RBM26: variants seen among roughly 807,000 people sequenced by gnomAD.
RBM26 encodes RNA binding motif protein 26.
A neutral mutation model predicts 123.6 loss-of-function variants in RBM26; 30 were observed. That is an observed-to-expected ratio of 0.24 (90% confidence interval 0.18 to 0.33). The LOEUF (loss-of-function observed/expected upper bound fraction) is 0.33. RBM26 is among the 10% of genes least tolerant of loss of function. The pLI is 1.00. For missense variants in RBM26, 947 were observed against 1,203.6 expected (o/e 0.79, Z 3.15); for synonymous variants, 400 against 404.4 (o/e 0.99, Z 0.13).
chr13:79,375,566 A>T (rs1594513679), intron 3 of RBM26, among the ~76,000 whole-genome samples: 2 of 152,252 alleles, frequency 1.3e-5, no homozygotes, highest in African/African-American at 4.8e-5. Context: ...TATGTTGCAT[A>T]AGCAATTGCC....
intron 1 of RBM26, among the ~76,000 whole-genome samples, chr13:79,405,452 TG>T (rs1470388289): frequency 6.6e-6 from 1 of 150,942 alleles, no homozygotes; most frequent in East Asian, 2.0e-4. Flanking sequence ...ATATTGCGGG[TG>T]GGGGTTGGAG....
At chr13:79,326,037 TAG>T (rs1462878142) in intron 20 of RBM26, among the ~76,000 whole-genome samples, 2 of 152,138 alleles carry the variant, frequency 1.3e-5, no homozygotes, top group Admixed American at 6.5e-5. Context: ...CTATATACCA[TAG>T]AGTGTAGGTG....
intron 16 of RBM26, 137 bp from the exon 17 acceptor site, chr13:79,342,968 T>G: frequency 1.8e-6 from 1 of 547,514 alleles, no homozygotes. Context: ...CTAACAACCA[T>G]GAATTATCTA....
chr13:79,328,683 TAAA>T (rs747906560), intron 20 of RBM26, among the ~76,000 whole-genome samples: 16 of 38,476 alleles, frequency 4.2e-4, no homozygotes, highest in African/African-American at 1.4e-3. Context: ...CTGCATTAAG[TAAA>T]AAAAAAAAAA....
chr13:79,331,739 ATCT>A (rs2069454276), intron 20 of RBM26, among the ~76,000 whole-genome samples: 1 of 152,154 alleles, frequency 6.6e-6, no homozygotes, highest in Admixed American at 6.5e-5. Flanking sequence ...TCTGAACAGG[ATCT>A]TGGGCTCCTA....
At chr13:79,361,923 A>G (rs1389929432) in intron 9 of RBM26, among the ~76,000 whole-genome samples, 5 of 152,146 alleles carry the variant, frequency 3.3e-5, no homozygotes, top group African/African-American at 1.2e-4. Flanking sequence ...GAAACGCACG[A>G]GAAAGGTTTT....
In RBM26 at chr13:79,337,279, T is replaced by C. The variant is rs760896359; in HGVS notation, c.2556A>G (p.Ser852=). Residue 852 remains serine, a synonymous_variant, in exon 19 of 22, where the codon TCA becomes TCG. Transcript: ENST00000438737. ...QLEAAKRGIL[S]SGRGRGIHSR... is the part of the protein sequence containing the mutation. ...AATGAATTCCTCTGCCCCGACCAGATGAAAGAATCCCTCGTTTGGCAGCCT... is the reference window on the plus strand; with the variant it reads ...AATGAATTCCTCTGCCCCGACCAGACGAAAGAATCCCTCGTTTGGCAGCCT... 1 of 1,614,126 alleles carries C rather than the reference T, an allele frequency of 6.2e-7. No homozygotes were observed. The highest frequency in any genetic ancestry group is 2.2e-5 in the East Asian group (1 of 44,876).
At chr13:79,395,036 G>C (rs182777867) in intron 1 of RBM26, among the ~76,000 whole-genome samples, 2 of 152,256 alleles carry the variant, frequency 1.3e-5, no homozygotes. Flanking sequence ...AGACTACAGG[G>C]CAACTGACTC....
intron 1 of RBM26, among the ~76,000 whole-genome samples, chr13:79,384,546 T>C (rs1052245564): frequency 2.0e-5 from 3 of 152,080 alleles, no homozygotes; most frequent in Non-Finnish European, 4.4e-5. Context: ...GTGAGAGCAA[T>C]AGTGCCCAGC....
chr13:79,344,529 A>C (rs2071969610), intron 15 of RBM26, 140 bp downstream of exon 15: 2 of 854,196 alleles, frequency 2.3e-6, no homozygotes, highest in Non-Finnish European at 3.6e-6. Flanking sequence ...ATTTACCGCT[A>C]TACTATGGAA....
At chr13:79,312,870 TGA>T (rs2066932672) in exon 5 of RBM26, 1 of 151,918 alleles carries the variant, frequency 6.6e-6, no homozygotes, top group Non-Finnish European at 1.5e-5. Context: ...GGTTCAAAAA[TGA>T]TACTGAAAGG....
intron 16 of RBM26, 147 bp downstream of exon 16, chr13:79,344,101 C>T: frequency 1.5e-6 from 1 of 668,030 alleles, no homozygotes; most frequent in Non-Finnish European, 2.7e-6. Context: ...CTGATGTATG[C>T]TCTTCATCTC....
At chr13:79,382,072 A>G (rs1202791778) in intron 1 of RBM26, among the ~76,000 whole-genome samples, 2 of 152,112 alleles carry the variant, frequency 1.3e-5, no homozygotes, top group African/African-American at 2.4e-5. Context: ...ATTTAATAAT[A>G]TACTGAAATG....
chr13:79,333,090 G>A (rs2069700537), intron 20 of RBM26, among the ~76,000 whole-genome samples: 1 of 152,114 alleles, frequency 6.6e-6, no homozygotes, highest in Non-Finnish European at 1.5e-5. Context: ...CTGAAAGGAA[G>A]CTTACTCTAA....
At chr13:79,312,927 G>A (rs184410525) in exon 5 of RBM26, 1 of 151,908 alleles carries the variant, frequency 6.6e-6, no homozygotes, top group East Asian at 1.9e-4. Flanking sequence ...TGAGGGGCCT[G>A]TATCATTTTA....
chr13:79,358,499 T>C, intron 10 of RBM26, 66 bp from the exon 11 acceptor site: 1 of 1,278,298 alleles, frequency 7.8e-7, no homozygotes, highest in Admixed American at 2.4e-5. Flanking sequence ...TACAAGGGAA[T>C]AAAGTTTAAC....
chr13:79,356,605 A>T (rs114343850), intron 11 of RBM26, among the ~76,000 whole-genome samples: 27 of 152,304 alleles, frequency 1.8e-4, no homozygotes, highest in Non-Finnish European at 3.8e-4. Context: ...AACATTAATT[A>T]TAACTATAAA....
intron 1 of RBM26, among the ~76,000 whole-genome samples, chr13:79,393,476 GA>G (rs2078275830): frequency 6.6e-6 from 1 of 152,152 alleles, no homozygotes; most frequent in Admixed American, 6.5e-5. Context: ...TCTTTCTTCT[GA>G]GACAAGAAGT....
At chr13:79,374,707 C>T (rs2076487356) in intron 3 of RBM26, among the ~76,000 whole-genome samples, 1 of 152,080 alleles carries the variant, frequency 6.6e-6, no homozygotes, top group Non-Finnish European at 1.5e-5. Context: ...TCTTTCCCTT[C>T]TATTTCCTCA....
Sources: gnomAD v4.1 joint callset for allele counts (sites outside exome capture counted in the v4.1 genomes callset) on GRCh38, gnomAD v4.1.1 for gene constraint, MANE v1.5 for transcripts, NCBI Gene and HGNC (gene_info 2026-07-23, HGNC 2026-07-21) for gene names.